CNTNAP5: variants seen among roughly 807,000 people sequenced by gnomAD.
CNTNAP5 encodes contactin-associated protein-like 5.
Under a neutral mutation model 150.2 loss-of-function variants are expected in CNTNAP5, and 72 were observed. The observed-to-expected ratio is 0.48, with a 90% CI of 0.40 to 0.58. The LOEUF (loss-of-function observed/expected upper bound fraction) is 0.58. CNTNAP5 is among the 20% of genes least tolerant of loss of function. The pLI is 0.00. For missense variants in CNTNAP5, 1,636 were observed against 1,626.2 expected, an observed-to-expected ratio of 1.01 and a Z score of -0.10; for synonymous variants, 672 against 619.8, an observed-to-expected ratio of 1.08 and a Z score of -1.25.
At chr2:124,100,380 T>C (rs561902965) in intron 1 of CNTNAP5, among the ~76,000 whole-genome samples, 6 of 152,212 alleles carry the variant, frequency 3.9e-5, no homozygotes, top group Non-Finnish European at 5.9e-5. Context: ...ATACAAACTA[T>C]ATCACAAACC....
At chr2:124,091,818 C>A (rs999952715) in intron 1 of CNTNAP5, among the ~76,000 whole-genome samples, 5 of 152,172 alleles carry the variant, frequency 3.3e-5, no homozygotes, top group Non-Finnish European at 1.5e-5. Context: ...TAGGTAAAAA[C>A]GGCTAGGAGC....
At chr2:124,724,650 C>CA (rs1680118981) in intron 13 of CNTNAP5, among the ~76,000 whole-genome samples, 2 of 151,946 alleles carry the variant, frequency 1.3e-5, no homozygotes, top group South Asian at 4.1e-4. Context: ...TGGACAGCTG[C>CA]ATCCTTATCT....
intron 1 of CNTNAP5, among the ~76,000 whole-genome samples, chr2:124,075,857 A>G (rs1370132976): frequency 1.3e-5 from 2 of 152,134 alleles, no homozygotes; most frequent in African/African-American, 2.4e-5. Flanking sequence ...CAAAGTTTGT[A>G]CTTTATGCCT....
At chr2:124,304,615 T>C (rs561956137) in intron 3 of CNTNAP5, among the ~76,000 whole-genome samples, 14 of 152,214 alleles carry the variant, frequency 9.2e-5, no homozygotes, top group African/African-American at 2.9e-4. Context: ...AATAACATTC[T>C]GGCTACAATG....
chr2:124,132,132 C>T (rs956792299), intron 1 of CNTNAP5, among the ~76,000 whole-genome samples: 19 of 152,148 alleles, frequency 1.2e-4, no homozygotes, highest in South Asian at 8.3e-4. Flanking sequence ...GGCCCTGTAC[C>T]GACAGTGCCA....
chr2:124,234,242 A>T (rs1011046518), intron 2 of CNTNAP5, among the ~76,000 whole-genome samples: 4 of 152,210 alleles, frequency 2.6e-5, no homozygotes, highest in Non-Finnish European at 5.9e-5. Flanking sequence ...CCTGAGCAGC[A>T]GATGGGCAGA....
chr2:124,873,516 C>A (rs1262261237), intron 21 of CNTNAP5, among the ~76,000 whole-genome samples: 1 of 152,012 alleles, frequency 6.6e-6, no homozygotes, highest in Non-Finnish European at 1.5e-5. Context: ...GGATTTTGAC[C>A]AACACTTAAC....
chr2:124,386,643 A>G (rs1690933522), intron 3 of CNTNAP5, among the ~76,000 whole-genome samples: 1 of 152,008 alleles, frequency 6.6e-6, no homozygotes, highest in Non-Finnish European at 1.5e-5. Flanking sequence ...CTTCCCTTTC[A>G]CCTTTTCCCC....
At chr2:124,896,142 T>C (rs1307701468) in intron 21 of CNTNAP5, among the ~76,000 whole-genome samples, 1 of 151,520 alleles carries the variant, frequency 6.6e-6, no homozygotes, top group Non-Finnish European at 1.5e-5. Context: ...TAAGAAATAT[T>C]AATGAAGTTC....
chr2:124,298,038 T>G (rs1046778776), intron 3 of CNTNAP5, among the ~76,000 whole-genome samples: 4 of 151,962 alleles, frequency 2.6e-5, no homozygotes, highest in Non-Finnish European at 2.9e-5. Context: ...AGAGATGGGG[T>G]TTTACCATGT....
At chr2:124,652,772 A>G (rs1431888016) in intron 13 of CNTNAP5, among the ~76,000 whole-genome samples, 1 of 152,106 alleles carries the variant, frequency 6.6e-6, no homozygotes. Context: ...CCGCCACTGG[A>G]TTCCGTCATT....
intron 1 of CNTNAP5, among the ~76,000 whole-genome samples, chr2:124,099,437 C>T (rs184144162): frequency 5.0e-4 from 76 of 152,292 alleles, no homozygotes; most frequent in African/African-American, 1.6e-3. Context: ...TCATATTCAC[C>T]TGTACCCTAT....
intron 1 of CNTNAP5, among the ~76,000 whole-genome samples, chr2:124,044,260 T>A (rs2104635033): frequency 6.6e-6 from 1 of 152,310 alleles, no homozygotes; most frequent in East Asian, 1.9e-4. Context: ...TTATTCTTAC[T>A]TTTTAGATGA....
At chr2:124,159,740 C>T (rs1342631858) in intron 1 of CNTNAP5, among the ~76,000 whole-genome samples, 1 of 152,068 alleles carries the variant, frequency 6.6e-6, no homozygotes, top group Non-Finnish European at 1.5e-5. Flanking sequence ...GAATAAGAAC[C>T]TTGTGGTCTT....
intron 5 of CNTNAP5, among the ~76,000 whole-genome samples, chr2:124,438,856 A>G (rs1692606119): frequency 6.6e-6 from 1 of 152,186 alleles, no homozygotes; most frequent in African/African-American, 2.4e-5. Context: ...TTTTATTTAA[A>G]TTACATGACA....
chr2:124,784,934 A>G lies in CNTNAP5; in HGVS notation c.2753-4968A>G, dbSNP rs1021162855. Among the ~76,000 whole-genome samples the G allele has an allele frequency of 2.0e-5, 3 of 151,738 alleles. No individual in the cohort carries two copies. The South Asian group carries it at 6.2e-4, about 32-fold the overall frequency. On this transcript the variant is annotated intron_variant, in intron 17 of 23. Transcript: ENST00000682447. Reference sequence around the variant, plus strand: ...TTCCCATTGACAATTTAATGAGTTTAGTATAAAGTTTCTAGCCTACAACTA... The same window carrying G: ...TTCCCATTGACAATTTAATGAGTTTGGTATAAAGTTTCTAGCCTACAACTA...
intron 3 of CNTNAP5, among the ~76,000 whole-genome samples, chr2:124,297,507 C>A (rs950940334): frequency 6.6e-6 from 1 of 152,058 alleles, no homozygotes; most frequent in African/African-American, 2.4e-5. Context: ...CTAGAAGCAC[C>A]GTTTTTTCCA....
chr2:124,085,791 G>T (rs930418929), intron 1 of CNTNAP5, among the ~76,000 whole-genome samples: 1 of 152,138 alleles, frequency 6.6e-6, no homozygotes, highest in Non-Finnish European at 1.5e-5. Flanking sequence ...TCGTTTTCAA[G>T]TGTTTGAAAA....
intron 3 of CNTNAP5, among the ~76,000 whole-genome samples, chr2:124,367,552 T>C (rs1303103516): frequency 6.6e-6 from 1 of 152,062 alleles, no homozygotes; most frequent in Non-Finnish European, 1.5e-5. Context: ...GAGATTTGGG[T>C]GGGGACACAG....
Sources: allele counts gnomAD v4.1 joint callset (sites outside exome capture counted in the v4.1 genomes callset), GRCh38; gene constraint gnomAD v4.1.1; transcripts MANE v1.5; gene names NCBI Gene and HGNC (gene_info 2026-07-23, HGNC 2026-07-21).